Variants in FARP1 observed in about 807,000 individuals in gnomAD.
FARP1 encodes FERM, ARH/RhoGEF and pleckstrin domain protein 1.
Under a neutral mutation model 128.8 loss-of-function variants are expected in FARP1, and 52 were observed. The ratio of observed to expected loss-of-function variants is 0.40; its 90% CI spans 0.32 to 0.51. FARP1 has a LOEUF of 0.51. Ranked by LOEUF, FARP1 falls within the 20% of genes least tolerant of loss-of-function variation. The pLI, the probability that FARP1 is intolerant of heterozygous loss-of-function variation, is 0.45. For missense variants in FARP1, 1,333 were observed against 1,367.9 expected, an observed-to-expected ratio of 0.97 and a Z score of 0.40; for synonymous variants, 580 against 551.8, an observed-to-expected ratio of 1.05 and a Z score of -0.72.
At chr13:98,267,602 G>T (rs1416086454) in intron 2 of FARP1, among the ~76,000 whole-genome samples, 1 of 152,168 alleles carries the variant, frequency 6.6e-6, no homozygotes, top group Non-Finnish European at 1.5e-5. Flanking sequence ...TTCCAGCCCC[G>T]TAGGTCCACA....
At chr13:98,321,958 G>A (rs577740143) in intron 2 of FARP1, among the ~76,000 whole-genome samples, 1 of 152,276 alleles carries the variant, frequency 6.6e-6, no homozygotes, top group African/African-American at 2.4e-5. Context: ...GTACTTCCTG[G>A]TGGGGTTTCT....
At chr13:98,437,519 AG>A (rs1429139886) in intron 19 of FARP1, among the ~76,000 whole-genome samples, 1 of 152,152 alleles carries the variant, frequency 6.6e-6, no homozygotes, top group Non-Finnish European at 1.5e-5. Context: ...AAGGAGACAA[AG>A]GCTTGCTGGG....
chr13:98,186,758 G>A (rs1878901302), intron 1 of FARP1, among the ~76,000 whole-genome samples: 1 of 151,970 alleles, frequency 6.6e-6, no homozygotes, highest in Admixed American at 6.6e-5. Flanking sequence ...TTGGGAGGTC[G>A]AGGTGGGTGG....
At chr13:98,352,408 C>T (rs1470909497) in intron 3 of FARP1, among the ~76,000 whole-genome samples, 1 of 152,098 alleles carries the variant, frequency 6.6e-6, no homozygotes, top group African/African-American at 2.4e-5. Flanking sequence ...TGAGACGGGC[C>T]ATCACTCAAG....
chr13:98,447,992 G>A, intron 26 of FARP1: 1 of 555,650 alleles, frequency 1.8e-6, no homozygotes, highest in South Asian at 2.2e-5. Flanking sequence ...TGCTCCAATG[G>A]AGCGGGCAGT....
At chr13:98,278,122 A>G (rs538249419) in intron 2 of FARP1, among the ~76,000 whole-genome samples, 4 of 152,174 alleles carry the variant, frequency 2.6e-5, no homozygotes, top group African/African-American at 9.6e-5. Context: ...GTTTTCTTCT[A>G]CCGGTCCACA....
At chr13:98,180,282 G>A (rs1243504771) in intron 1 of FARP1, among the ~76,000 whole-genome samples, 17 of 152,036 alleles carry the variant, frequency 1.1e-4, no homozygotes, top group Non-Finnish European at 2.1e-4. Context: ...GGGAGTGAGA[G>A]TGGGGAGGGG....
At chr13:98,244,951 G>A in intron 2 of FARP1, 1 of 1,309,776 alleles carries the variant, frequency 7.6e-7, no homozygotes, top group Non-Finnish European at 9.7e-7. Context: ...CTCTTAAAGG[G>A]AAGCAATACA....
intron 16 of FARP1, among the ~76,000 whole-genome samples, chr13:98,413,582 C>T (rs1412164929): frequency 1.3e-5 from 2 of 152,208 alleles, no homozygotes; most frequent in Non-Finnish European, 2.9e-5. Flanking sequence ...ATCACTTCAA[C>T]CCAGAAGTTC....
intron 9 of FARP1, 48 bp from the exon 10 acceptor site, chr13:98,389,909 G>T: frequency 6.3e-7 from 1 of 1,575,732 alleles, no homozygotes; most frequent in Non-Finnish European, 8.7e-7. Flanking sequence ...TTTCAGTGGT[G>T]TATCTATGGG....
chr13:98,307,004 CAG>C (rs34028662), intron 2 of FARP1, among the ~76,000 whole-genome samples: 38,003 of 152,124 alleles, frequency 0.25, 5,211 homozygotes, highest in South Asian at 0.31. Context: ...AACGAAGAAA[CAG>C]AGCAGAGCTG....
At position 98,238,431 on chromosome 13, in the gene FARP1, G is replaced by A. The variant is rs1264239706; in HGVS notation, c.171+25018G>A. 5.9e-5 allele frequency among the ~76,000 whole-genome samples: 9 copies of A among 152,188 alleles called. No homozygotes were observed. In the East Asian group the frequency reaches 1.4e-3, roughly 23 times the overall value. On this transcript the variant is annotated intron_variant, in intron 2 of 26. Coordinates refer to ENST00000319562, the MANE Select transcript of FARP1 (RefSeq NM_005766.4). Reference sequence around the variant, plus strand: ...TACACATACAAATTATGTGTTAATCGACTGTATTCCGTTCTCATGGTGCTA... The same window carrying A: ...TACACATACAAATTATGTGTTAATCAACTGTATTCCGTTCTCATGGTGCTA...
chr13:98,289,832 A>G (rs1345729432), intron 2 of FARP1, among the ~76,000 whole-genome samples: 1 of 152,296 alleles, frequency 6.6e-6, no homozygotes, highest in Admixed American at 6.5e-5. Context: ...ATTGATTACT[A>G]CAGGGACCCA....
rs549868159 is a variant in FARP1 at position 98,167,285 on chromosome 13, T to C, written c.-24+23793T>C. Among the ~76,000 whole-genome samples the C allele has an allele frequency of 3.3e-5, 5 of 152,314 alleles. No homozygotes were observed. The South Asian group carries it at 8.3e-4, about 25-fold the overall frequency. ...TGGAGAAAATCAGCCCTTTATAATA[T>C]GTAATTCAAGTACTTTTTCCTAGTT... On this transcript the variant is annotated intron_variant, in intron 1 of 26. Coordinates refer to ENST00000319562, the MANE Select transcript of FARP1 (RefSeq NM_005766.4).
chr13:98,373,529 G>GACACAC (rs1555341442), intron 5 of FARP1, among the ~76,000 whole-genome samples: 4 of 79,166 alleles, frequency 5.1e-5, no homozygotes, highest in Non-Finnish European at 1.0e-4. Flanking sequence ...GAGACAGACA[G>GACACAC]ACAGACACAC....
rs1893104699 is a variant in FARP1, at chr13:98,449,884, C to G, written c.*1567C>G. The stretch of plus-strand genomic sequence containing the variant: ...GAGTGACACAGGGAGGGCCTGCCCC[C>G]CACTGTTCCCTATGCTCCCCCCACC... On this transcript the variant is annotated 3_prime_UTR_variant, in exon 27 of 27. Coordinates refer to ENST00000319562, the MANE Select transcript of FARP1 (RefSeq NM_005766.4). The G allele has an allele frequency of 6.6e-6, 1 of 152,326 alleles. No individual in the cohort carries two copies. Among genetic ancestry groups the G allele is most frequent in the Non-Finnish European group, 1.5e-5 (1 of 68,098 alleles). 9.4% of individuals were successfully genotyped at this position (152,326 alleles called of 1,614,324 possible).
chr13:98,321,378 C>G (rs1352118554), intron 2 of FARP1, among the ~76,000 whole-genome samples: 8 of 152,112 alleles, frequency 5.3e-5, no homozygotes, highest in Non-Finnish European at 1.0e-4. Flanking sequence ...CATATCAAAG[C>G]GTGAAGTTAA....
At chr13:98,304,900 AG>A (rs1269451801) in intron 2 of FARP1, among the ~76,000 whole-genome samples, 2 of 152,184 alleles carry the variant, frequency 1.3e-5, no homozygotes, top group Non-Finnish European at 2.9e-5. Flanking sequence ...AATATAACAA[AG>A]CATGTGCCAC....
chr13:98,216,474 C>G (rs762245455), intron 2 of FARP1, among the ~76,000 whole-genome samples: 1 of 152,206 alleles, frequency 6.6e-6, no homozygotes, highest in African/African-American at 2.4e-5. Context: ...ACATTTGCCA[C>G]GCAGCTGAGC....
Sources: gnomAD v4.1 joint callset for allele counts (sites outside exome capture counted in the v4.1 genomes callset) on GRCh38, gnomAD v4.1.1 for gene constraint, MANE v1.5 for transcripts, NCBI Gene and HGNC (gene_info 2026-07-23, HGNC 2026-07-21) for gene names.